PPAN: variants seen among roughly 807,000 people sequenced by gnomAD.
The protein encoded by PPAN is peter pan homolog.
PPAN carries 39 observed loss-of-function variants against 48.5 expected under a neutral mutation model. That is an observed-to-expected ratio of 0.80 (90% CI 0.62 to 1.05). The LOEUF (loss-of-function observed/expected upper bound fraction) is 1.05. Among genes scored for constraint, PPAN ranks in the 50% least tolerant of loss-of-function variants. PPAN has a pLI of 0.00. For synonymous variants in PPAN, 315 were observed against 268.6 expected, an observed-to-expected ratio of 1.17 and a Z score of -1.69; for missense variants, 736 against 661.7, an observed-to-expected ratio of 1.11 and a Z score of -1.23.
At chr19:10,106,742 C>A in intron 2 of PPAN, 71 bp downstream of exon 2, 1 of 1,465,958 alleles carries the variant, frequency 6.8e-7, no homozygotes. Flanking sequence ...TAATGGCTCC[C>A]GCTGTAAAAC....
In PPAN at chr19:10,111,762, T is replaced by C. The variant is rs564353808; in HGVS notation, c.*597T>C. ...TCGGGTAAGGAGAAGGCATGTTGGC[T>C]GTCTCTGGGGGTCTGCAGATTGTCA... On this transcript the variant is annotated 3_prime_UTR_variant, in exon 12 of 12. Transcript: ENST00000253107. 13 of 1,613,224 alleles carry C rather than the reference T, an allele frequency of 8.1e-6. No homozygotes were observed. In the African/African-American group the frequency reaches 1.6e-4, roughly 20 times the overall value.
chr19:10,110,971 C>T lies in PPAN; in HGVS notation c.1228C>T (p.Arg410Trp), dbSNP rs201114729. The change falls in exon 12 of 12, where the codon CGG becomes TGG. Residue 410 changes from arginine (R) to tryptophan (W), a missense_variant. Physicochemically the swap from Arg to Trp is moderately radical, Grantham distance 101. Transcript: ENST00000253107. This position sits in a 1 kb window ranked among gnomAD's most constrained non-coding sequence, Gnocchi z 5.9. ...EDLFPEAKQKRLAKSPGRKRK... is the reference protein window; with the variant it reads ...EDLFPEAKQKWLAKSPGRKRK... Reference sequence around the variant, plus strand: ...CCTGTTCCCCGAGGCCAAGCAGAAACGGCTTGCCAAGTCTCCAGGGCGGAA... The same window carrying T: ...CCTGTTCCCCGAGGCCAAGCAGAAATGGCTTGCCAAGTCTCCAGGGCGGAA... 10 of 1,613,356 alleles carry T rather than the reference C, an allele frequency of 6.2e-6. No individual in the cohort carries two copies. Among genetic ancestry groups the T allele is most frequent in the East Asian group, 2.2e-5 (1 of 44,822 alleles).
At chr19:10,106,290 C>G, upstream of PPAN, 4 of 1,521,790 alleles carry the variant, frequency 2.6e-6, no homozygotes, top group Admixed American at 2.1e-5. Context: ...AGTGCGCAGG[C>G]CCGCCTGATG....
chr19:10,110,428 G>T lies in PPAN; in HGVS notation c.901+26G>T. The T allele has an allele frequency of 1.9e-6, 3 of 1,612,944 alleles. No individual in the cohort carries two copies. Among genetic ancestry groups the T allele is most frequent in the South Asian group, 2.2e-5 (2 of 91,046 alleles). On this transcript the variant is annotated intron_variant, in intron 9 of 11. Coordinates refer to ENST00000253107, the MANE Select transcript of PPAN (RefSeq NM_020230.7). This position sits in a 1 kb window ranked among gnomAD's most constrained non-coding sequence, Gnocchi z 5.9. ...GTGAGGCCGGGGCCGCCGGGGGTGG[G>T]GGGTCATGGGTGTGGAGCTGCACCC...
At position 10,111,733 on chromosome 19, in the gene PPAN, C is replaced by T. The variant is rs150437920; in HGVS notation, c.*568C>T. The T allele has an allele frequency of 4.8e-5, 77 of 1,613,442 alleles. No homozygotes were observed. The highest frequency in any genetic ancestry group is 6.7e-5 in the African/African-American group (5 of 74,832). On this transcript the variant is annotated 3_prime_UTR_variant, in exon 12 of 12. Coordinates refer to ENST00000253107, the MANE Select transcript of PPAN (RefSeq NM_020230.7). ...ATCGGCACGGGAGCATGGCAGCCAA[C>T]GTCTCGGGTAAGGAGAAGGCATGTT...
At position 10,110,764 on chromosome 19, in the gene PPAN, C is replaced by T. The variant is rs761768456; in HGVS notation, c.1099C>T (p.Pro367Ser). The change falls in exon 11 of 12, where the codon CCT (proline) becomes TCT (serine). Residue 367 changes from proline to serine, a missense_variant. Transcript: ENST00000253107. This position sits in a 1 kb window ranked among gnomAD's most constrained non-coding sequence, Gnocchi z 5.9. ...TAGTGATGAAGAGGCCTCTGGGATC[C>T]CTTCAAGGACGGCGAGCCTGGAGTT... is the stretch of plus-strand genomic sequence containing the variant. ...GGSDEEASGI[P>S]SRTASLELGE... The T allele has an allele frequency of 1.9e-6, 3 of 1,613,786 alleles. No homozygotes were observed. Among genetic ancestry groups the T allele is most frequent in the Non-Finnish European group, 2.5e-6 (3 of 1,179,990 alleles).
intron 5 of PPAN, among the ~76,000 whole-genome samples, chr19:10,108,963 C>CTTTTT (rs1304271167): frequency 1.4e-5 from 2 of 138,580 alleles, no homozygotes; most frequent in South Asian, 4.6e-4. Flanking sequence ...TCTTGTTTAC[C>CTTTTT]TTTTTTTTTT....
At chr19:10,106,470 G>C in intron 1 of PPAN, 31 bp from the exon 2 acceptor site, 6 of 1,547,516 alleles carry the variant, frequency 3.9e-6, no homozygotes, top group Non-Finnish European at 5.2e-6. Flanking sequence ...CCGAGGTCGC[G>C]GCGCTGACCC....
At chr19:10,107,732 G>A (rs2305790) in intron 3 of PPAN, 72 bp from the exon 4 acceptor site, 402,403 of 1,610,750 alleles carry the variant, frequency 0.25, 52,775 homozygotes, top group Non-Finnish European at 0.27. Flanking sequence ...AAGAAGAGAT[G>A]GGGCAAAGGT....
Position 10,110,185 on chromosome 19 carries a change from C to T in PPAN, c.761C>T (p.Pro254Leu), listed in dbSNP as rs1372782147. 1.2e-6 allele frequency: 2 copies of T among 1,610,846 alleles called. No individual in the cohort carries two copies. The highest frequency in any genetic ancestry group is 3.3e-5 in the Admixed American group (2 of 60,008). The stretch of plus-strand genomic sequence containing the variant: ...GGCGACCACAACATCACAGAGCTGC[C>T]TCAGGCTGTCGCTGGCCGTGGCAAC... ...PDGDHNITELPQAVAGRGNMR... is the reference protein window; with the variant it reads ...PDGDHNITELLQAVAGRGNMR... The change falls in exon 8 of 12, where the codon CCT becomes CTT. Residue 254 changes from proline (P) to leucine (L), a missense_variant. Coordinates refer to ENST00000253107, the MANE Select transcript of PPAN (RefSeq NM_020230.7). This position sits in a 1 kb window ranked among gnomAD's most constrained non-coding sequence, Gnocchi z 5.9.
chr19:10,106,569 G>A lies in PPAN; in HGVS notation c.87G>A (p.Pro29=). 6.4e-7 allele frequency: 1 copy of A among 1,552,862 alleles called. No individual in the cohort carries two copies. Among genetic ancestry groups the A allele is most frequent in the Non-Finnish European group, 8.7e-7 (1 of 1,148,808 alleles). ...ACCTCGAGGCCTATGCCGCGAACCC[G>A]CACTCGTTCGTGTTCACGCGAGGCT... ...LRNLEAYAAN[P]HSFVFTRGCT... Residue 29 remains proline (P), a synonymous_variant, in exon 2 of 12, where the codon CCG becomes CCA. Coordinates refer to ENST00000253107, the MANE Select transcript of PPAN (RefSeq NM_020230.7).
chr19:10,109,698 T>TAG lies in PPAN; in HGVS notation c.581_582insAG (p.Phe194LeufsTer18). 1.2e-6 allele frequency: 2 copies of TAG among 1,613,820 alleles called. No individual in the cohort carries two copies. The highest frequency in any genetic ancestry group is 1.7e-6 in the Non-Finnish European group (2 of 1,179,866). On this transcript the variant is annotated frameshift_variant, in exon 6 of 12. Coordinates refer to ENST00000253107, the MANE Select transcript of PPAN (RefSeq NM_020230.7). LOFTEE classifies it high-confidence loss of function. ...AACCCCGACTCCCAGGAGCTGGACT[T>TAG]CCGCCACTAGTGAGTGTCCCAGCAG...
Position 10,110,386 on chromosome 19 carries a change from G to A in PPAN, c.885G>A (p.Val295=). Residue 295 remains valine, a synonymous_variant, in exon 9 of 12, where the codon GTG becomes GTA. Coordinates refer to ENST00000253107, the MANE Select transcript of PPAN (RefSeq NM_020230.7). The surrounding 1 kb of genome is among the most constrained non-coding windows in gnomAD (Gnocchi z 5.9). ...AGGAGGGCGTCGGGGAGGGCAAAGT[G>A]ATGTTCCACAGTTTTGGTGAGGCCG... ...KVQEGVGEGK[V]MFHSFVSKTE... The A allele has an allele frequency of 6.2e-7, 1 of 1,613,672 alleles. No homozygotes were observed. The highest frequency in any genetic ancestry group is 8.5e-7 in the Non-Finnish European group (1 of 1,179,936).
chr19:10,110,733 C>T lies in PPAN; in HGVS notation c.1068C>T (p.Val356=), dbSNP rs773003774. Residue 356 remains valine, a synonymous_variant, in exon 11 of 12, where the codon GTC becomes GTT. Coordinates refer to ENST00000253107, the MANE Select transcript of PPAN (RefSeq NM_020230.7). This position sits in a 1 kb window ranked among gnomAD's most constrained non-coding sequence, Gnocchi z 5.9. ...TGGAGGGCATGAAGAAGGCACGGGT[C>T]GGGGGTAGTGATGAAGAGGCCTCTG... The part of the protein sequence containing the change: ...KSLEGMKKAR[V]GGSDEEASGI... 122 of 1,613,578 alleles carry T rather than the reference C, an allele frequency of 7.6e-5. No homozygotes were observed. The highest frequency in any genetic ancestry group is 3.7e-4 in the Admixed American group (22 of 59,972).
chr19:10,106,836 C>A, intron 2 of PPAN, 165 bp downstream of exon 2: 1 of 1,171,506 alleles, frequency 8.5e-7, no homozygotes, highest in Non-Finnish European at 1.2e-6. Context: ...TTTTGCTGGG[C>A]TGGAGTGAGG....
intron 5 of PPAN, among the ~76,000 whole-genome samples, chr19:10,109,205 C>T (rs373793698): frequency 7.2e-5 from 11 of 152,060 alleles, no homozygotes; most frequent in African/African-American, 1.4e-4. Flanking sequence ...GTGAGCTGCC[C>T]GCCTCGGCCT....
chr19:10,108,116 C>A lies in PPAN; in HGVS notation c.495C>A (p.Pro165=). 6.2e-7 allele frequency: 1 copy of A among 1,611,722 alleles called. No homozygotes were observed. The highest frequency in any genetic ancestry group is 1.1e-5 in the South Asian group (1 of 90,718). The part of the protein sequence containing the change: ...LMATMFQNLF[P]SINVHKVNLN... ...CCACCATGTTCCAGAACCTGTTCCC[C>A]TCCATCAACGTGCACAAGGTGGGTC... The change falls in exon 5 of 12, where the codon CCC becomes CCA. Residue 165 remains proline (P), a synonymous_variant. Transcript: ENST00000253107.
At chr19:10,109,824 G>A in intron 6 of PPAN, 89 bp from the exon 7 acceptor site, 1 of 1,594,582 alleles carries the variant, frequency 6.3e-7, no homozygotes, top group South Asian at 1.1e-5. Context: ...TAAACGCCCT[G>A]ACGCACTGTG....
rs761121483 is a variant in PPAN at position 10,107,968 on chromosome 19, C to T, written c.347C>T (p.Ser116Leu). ...PTLTFQVKKY[S>L]LVRDVVSSLR... ...CTCCTCTCTCCTGTCCTACAGTACT[C>T]GCTGGTGCGTGATGTGGTCTCCTCA... The change falls in exon 5 of 12, where the codon TCG (serine) becomes TTG (leucine). Residue 116 changes from serine (S) to leucine (L), a missense_variant. Coordinates refer to ENST00000253107, the MANE Select transcript of PPAN (RefSeq NM_020230.7). 9.2e-5 allele frequency: 148 copies of T among 1,607,220 alleles called. No individual in the cohort carries two copies. Among genetic ancestry groups the T allele is most frequent in the Middle Eastern group, 1.7e-4 (1 of 6,032 alleles).
Sources: allele counts gnomAD v4.1 joint callset (sites outside exome capture counted in the v4.1 genomes callset), GRCh38; gene constraint gnomAD v4.1.1; non-coding constraint Gnocchi (gnomAD v3.1); transcripts MANE v1.5; gene names NCBI Gene and HGNC (gene_info 2026-07-23, HGNC 2026-07-21).